THTPA: variants seen among roughly 807,000 people sequenced by gnomAD.
The protein encoded by THTPA is thiamine triphosphatase.
Under a neutral mutation model 16.5 loss-of-function variants are expected in THTPA, and 16 were observed. The ratio of observed to expected loss-of-function variants is 0.97; its 90% confidence interval spans 0.66 to 1.47. THTPA has a LOEUF of 1.47. Ranked by LOEUF, THTPA falls within the 40% of genes most tolerant of loss-of-function variation. The pLI, the probability that THTPA is intolerant of heterozygous loss-of-function variation, is 0.00. For missense variants in THTPA, 281 were observed against 280.9 expected, an observed-to-expected ratio of 1.00 and a Z score of 0.00; for synonymous variants, 110 against 115.5, an observed-to-expected ratio of 0.95 and a Z score of 0.30.
At chr14:23,550,151 G>A in the THTPA span, among the ~76,000 whole-genome samples, 1 of 152,254 alleles carries the variant, frequency 6.6e-6, no homozygotes, top group African/African-American at 2.4e-5. Flanking sequence ...AGGTTCTGAT[G>A]AGGGAGACAG....
chr14:23,549,991 CAGAT>C, the THTPA span, among the ~76,000 whole-genome samples: 1 of 151,824 alleles, frequency 6.6e-6, no homozygotes, highest in Non-Finnish European at 1.5e-5. Flanking sequence ...TCATGGGAAA[CAGAT>C]GGAAAAAAGG....
chr14:23,536,526 A>C, the THTPA span, among the ~76,000 whole-genome samples: 8 of 152,320 alleles, frequency 5.3e-5, 1 homozygote, highest in East Asian at 1.5e-3. Context: ...CTCCCAAAAG[A>C]GGTAACAAAT....
chr14:23,517,255 A>G, the THTPA span, among the ~76,000 whole-genome samples: 2 of 152,138 alleles, frequency 1.3e-5, no homozygotes, highest in Non-Finnish European at 2.9e-5. Flanking sequence ...TTCCCATAAC[A>G]TATAGTTTCT....
At chr14:23,527,710 C>T in the THTPA span, 1 of 1,536,210 alleles carries the variant, frequency 6.5e-7, no homozygotes, top group Non-Finnish European at 8.7e-7. Flanking sequence ...CAGTGGGCAT[C>T]TGTACTTGGG....
chr14:23,548,714 G>C, the THTPA span, among the ~76,000 whole-genome samples: 12 of 152,162 alleles, frequency 7.9e-5, no homozygotes, highest in Non-Finnish European at 1.0e-4. Context: ...ATGAATGCTC[G>C]TGAGGTTCTC....
At chr14:23,535,143 C>T in the THTPA span, 1 of 1,536,062 alleles carries the variant, frequency 6.5e-7, no homozygotes, top group South Asian at 1.2e-5. The surrounding 1 kb of genome is among the most constrained non-coding windows in gnomAD (Gnocchi z 4.5). Context: ...AGCCCGACTC[C>T]AGGAGCTGTC....
At chr14:23,558,078 GCCTTACAGC>G (rs1205867573) in intron 1 of THTPA, among the ~76,000 whole-genome samples, 1 of 152,198 alleles carries the variant, frequency 6.6e-6, no homozygotes, top group Non-Finnish European at 1.5e-5. Context: ...ATCCCATGGG[GCCTTACAGC>G]CCTGCAGTGC....
chr14:23,555,305 A>T (rs1049086632), upstream of THTPA, among the ~76,000 whole-genome samples: 14 of 152,086 alleles, frequency 9.2e-5, no homozygotes, highest in Admixed American at 9.2e-4. Context: ...GCCTTTCTGT[A>T]TTCTAAATGA....
chr14:23,526,178 A>G, the THTPA span: 5 of 1,535,048 alleles, frequency 3.3e-6, no homozygotes, highest in Non-Finnish European at 4.4e-6. Context: ...GTTGTAGGAG[A>G]CTCTGCAGAC....
upstream of THTPA, among the ~76,000 whole-genome samples, chr14:23,554,099 A>C (rs1374997133): frequency 1.3e-5 from 2 of 150,726 alleles, no homozygotes; most frequent in African/African-American, 4.9e-5. Flanking sequence ...AGCTTGCGGA[A>C]GGCCAAACAT....
rs1028814016 is a variant in THTPA at position 23,557,191 on chromosome 14, A to G, written c.434A>G (p.Asp145Gly). The G allele has an allele frequency of 6.2e-7, 1 of 1,614,060 alleles. No homozygotes were observed. Among genetic ancestry groups the G allele is most frequent in the Non-Finnish European group, 8.5e-7 (1 of 1,180,024 alleles). ...ADEEEPQLRVDLDTADFGYAV... is the reference protein window; with the variant it reads ...ADEEEPQLRVGLDTADFGYAV... ...GAAGAGGAGCCACAGCTCAGGGTGGACTTGGATACAGCCGACTTTGGCTAC... is the reference window on the plus strand; with the variant it reads ...GAAGAGGAGCCACAGCTCAGGGTGGGCTTGGATACAGCCGACTTTGGCTAC... Residue 145 changes from aspartate (D) to glycine (G), a missense_variant, in exon 1 of 2, where the codon GAC (aspartate) becomes GGC (glycine). Asp to Gly is a moderately conservative substitution (Grantham distance 94). Transcript: ENST00000288014.
At chr14:23,529,837 C>T in the THTPA span, 1 of 1,465,856 alleles carries the variant, frequency 6.8e-7, no homozygotes, top group East Asian at 2.5e-5. Context: ...CAGAGAGCTT[C>T]CAGGGTAGGG....
chr14:23,525,493 C>T, the THTPA span: 2 of 1,535,838 alleles, frequency 1.3e-6, no homozygotes, highest in Middle Eastern at 1.7e-4. This position sits in a 1 kb window ranked among gnomAD's most constrained non-coding sequence, Gnocchi z 5.9. Flanking sequence ...TCCCACAGGC[C>T]CCACAGGCCA....
At chr14:23,527,901 CTTTTTTTTTTTTTT>C in the THTPA span, 1 of 448,794 alleles carries the variant, frequency 2.2e-6, no homozygotes, top group African/African-American at 2.8e-5. Context: ...GCCCCCACTC[CTTTTTTTTTTTTTT>C]TTTTTTTTTT....
At chr14:23,531,834 G>A in the THTPA span, 18 of 1,232,290 alleles carry the variant, frequency 1.5e-5, no homozygotes, top group East Asian at 5.0e-4. Flanking sequence ...CTGGAGTGCA[G>A]TGGCATGATC....
At chr14:23,516,692 G>C in the THTPA span, among the ~76,000 whole-genome samples, 1 of 152,206 alleles carries the variant, frequency 6.6e-6, no homozygotes, top group Non-Finnish European at 1.5e-5. Flanking sequence ...GGCAGGCCTG[G>C]GTCCCGGGTA....
chr14:23,559,303 G>A lies in THTPA; in HGVS notation c.*463G>A, dbSNP rs769480534. 3 of 218,622 alleles carry A rather than the reference G, an allele frequency of 1.4e-5. No individual in the cohort carries two copies. The highest frequency in any genetic ancestry group is 2.8e-5 in the Non-Finnish European group (3 of 107,746). 13.5% of individuals were successfully genotyped at this position (218,622 alleles called of 1,614,324 possible). A position where few individuals can be genotyped will look rare whatever the true frequency, so the allele number is the denominator to read the frequency against. Reference sequence around the variant, plus strand: ...AAAGTTGAGGAAATGGTTGGGAATCGCTGTTAGAACTCTAGAAATTCTAAT... The same window carrying A: ...AAAGTTGAGGAAATGGTTGGGAATCACTGTTAGAACTCTAGAAATTCTAAT... On this transcript the variant is annotated 3_prime_UTR_variant, in exon 2 of 2. Coordinates refer to ENST00000288014, the MANE Select transcript of THTPA (RefSeq NM_024328.6).
the THTPA span, chr14:23,531,943 T>A: frequency 1.5e-5 from 7 of 454,098 alleles, no homozygotes; most frequent in South Asian, 1.1e-4. Flanking sequence ...ACCTGGCTAA[T>A]TTTTGTATTT....
chr14:23,556,626 T>C lies in THTPA; in HGVS notation c.-132T>C. The C allele has an allele frequency of 2.2e-6, 2 of 904,486 alleles. No individual in the cohort carries two copies. The highest frequency in any genetic ancestry group is 3.3e-6 in the Non-Finnish European group (2 of 609,276). 56.0% of individuals were successfully genotyped at this position (904,486 alleles called of 1,614,324 possible). A position where few individuals can be genotyped will look rare whatever the true frequency, so the allele number is the denominator to read the frequency against. ...AAAGGGCAGTAGCCCTAGAGACTAT[T>C]GCGACACAGTGTGCCCCTCATAAGT... On this transcript the variant is annotated 5_prime_UTR_variant, in exon 1 of 2. Transcript: ENST00000288014.
Sources: gnomAD v4.1 joint callset for allele counts (sites outside exome capture counted in the v4.1 genomes callset) on GRCh38, gnomAD v4.1.1 for gene constraint, Gnocchi (gnomAD v3.1) non-coding constraint, MANE v1.5 for transcripts, NCBI Gene and HGNC (gene_info 2026-07-23, HGNC 2026-07-21) for gene names.